UGT1A7: variants seen among roughly 807,000 people sequenced by gnomAD.
UGT1A7 encodes the protein UDP glucuronosyltransferase family 1 member A7, also known as UDP-glucuronosyltransferase 1A7.
UGT1A7 carries 33 observed loss-of-function variants against 45.6 expected under a neutral mutation model. The ratio of observed to expected loss-of-function variants is 0.72; its 90% CI spans 0.55 to 0.97. UGT1A7 has a LOEUF of 0.97. UGT1A7 is among the 50% of genes least tolerant of loss of function. The pLI is 0.00. For missense variants in UGT1A7, 684 were observed against 666.2 expected, an observed-to-expected ratio of 1.03 and a Z score of -0.29; for synonymous variants, 274 against 250.6, an observed-to-expected ratio of 1.09 and a Z score of -0.88.
chr2:233,756,971 C>T (rs1226266668), intron 1 of UGT1A7, among the ~76,000 whole-genome samples: 8 of 151,892 alleles, frequency 5.3e-5, no homozygotes, highest in African/African-American at 1.9e-4. Flanking sequence ...GGTAAGCACG[C>T]AATGAACAGT....
At chr2:233,718,209 T>C (rs1050950031) in intron 1 of UGT1A7, among the ~76,000 whole-genome samples, 2 of 152,238 alleles carry the variant, frequency 1.3e-5, no homozygotes, top group Non-Finnish European at 2.9e-5. Flanking sequence ...TTTTTTTATA[T>C]TGACAGCCAC....
chr2:233,753,174 A>G (rs1695146972), intron 1 of UGT1A7: 2 of 152,226 alleles, frequency 1.3e-5, no homozygotes, highest in South Asian at 4.1e-4. Context: ...ATCACTAAAA[A>G]ATGAACTCAT....
intron 1 of UGT1A7, among the ~76,000 whole-genome samples, chr2:233,750,216 G>A (rs192238866): frequency 1.3e-5 from 2 of 151,994 alleles, no homozygotes; most frequent in Middle Eastern, 3.4e-3. Flanking sequence ...AGTCTCAGAT[G>A]GAGATGAGGA....
In UGT1A7 at chr2:233,760,405, T is replaced by C. The variant is rs1183811071; in HGVS notation, c.856-6629T>C. On this transcript the variant is annotated intron_variant, in intron 1 of 4. Transcript: ENST00000373426. Reference sequence around the variant, plus strand: ...GTTGATCCCAGTGGATGGCAGCCACTGGCTGAGCATGCTTGGGGCCATCCA... The same window carrying C: ...GTTGATCCCAGTGGATGGCAGCCACCGGCTGAGCATGCTTGGGGCCATCCA... 1.5e-5 allele frequency: 24 copies of C among 1,614,126 alleles called. No homozygotes were observed. Among genetic ancestry groups the C allele is most frequent in the Non-Finnish European group, 1.9e-5 (22 of 1,180,052 alleles).
Position 233,754,852 on chromosome 2 carries a change from G to C in UGT1A7, c.856-12182G>C, listed in dbSNP as rs193246215. The C allele has an allele frequency of 1.8e-5, 24 of 1,345,428 alleles. No homozygotes were observed. In the Middle Eastern group the frequency reaches 8.4e-4, roughly 47 times the overall value. The allele number at this position is 1,345,428 out of a possible 1,614,324, so 83.3% of individuals were successfully genotyped here. ...GGAAATTCACTGAAGGCAGAGAAAA[G>C]GGGTGCAGACCCTCTGCTTCTGCTT... On this transcript the variant is annotated intron_variant, in intron 1 of 4. Coordinates refer to ENST00000373426, the MANE Select transcript of UGT1A7 (RefSeq NM_019077.3).
chr2:233,739,265 T>C (rs749101347), intron 1 of UGT1A7, among the ~76,000 whole-genome samples: 1 of 152,088 alleles, frequency 6.6e-6, no homozygotes, highest in Non-Finnish European at 1.5e-5. Flanking sequence ...AAATGTGAGG[T>C]TGGAGCCCCC....
At chr2:233,721,847 C>T in intron 1 of UGT1A7, 2 of 514,910 alleles carry the variant, frequency 3.9e-6, no homozygotes, top group South Asian at 2.8e-5. Context: ...TGTGTCCAGC[C>T]CCACTGCTCG....
intron 1 of UGT1A7, among the ~76,000 whole-genome samples, chr2:233,712,016 C>T (rs527478948): frequency 2.0e-5 from 3 of 152,332 alleles, no homozygotes; most frequent in Admixed American, 1.3e-4. Context: ...CCATTCTTAT[C>T]AGAACTTGGT....
At chr2:233,715,485 A>T (rs1033981670) in intron 1 of UGT1A7, among the ~76,000 whole-genome samples, 2 of 152,154 alleles carry the variant, frequency 1.3e-5, no homozygotes, top group African/African-American at 4.8e-5. Context: ...TTTGAAAATG[A>T]TTTGTGTGCA....
At chr2:233,688,907 G>A (rs982002895) in intron 1 of UGT1A7, among the ~76,000 whole-genome samples, 2 of 152,096 alleles carry the variant, frequency 1.3e-5, no homozygotes, top group Non-Finnish European at 2.9e-5. Context: ...TTGGGGGGAT[G>A]GTGTGCCAAG....
Position 233,761,122 on chromosome 2 carries a change from A to T in UGT1A7, c.856-5912A>T, listed in dbSNP as rs397978903. 136 of 1,614,116 alleles carry T rather than the reference A, an allele frequency of 8.4e-5. No individual in the cohort carries two copies. Among genetic ancestry groups the T allele is most frequent in the Non-Finnish European group, 1.1e-4 (124 of 1,180,046 alleles). On this transcript the variant is annotated intron_variant, in intron 1 of 4. Coordinates refer to ENST00000373426, the MANE Select transcript of UGT1A7 (RefSeq NM_019077.3). The stretch of plus-strand genomic sequence containing the variant: ...CAATATGGTTTTTGTTGGTGGAATC[A>T]ACTGCCTTCACCAAAATCCACTATC...
chr2:233,719,326 CTG>C, intron 1 of UGT1A7: 1 of 1,613,946 alleles, frequency 6.2e-7, no homozygotes. Context: ...TCGATTCCTG[CTG>C]TGTTTTTTTG....
chr2:233,711,817 C>T (rs984543868), intron 1 of UGT1A7, among the ~76,000 whole-genome samples: 1 of 152,154 alleles, frequency 6.6e-6, no homozygotes, highest in Non-Finnish European at 1.5e-5. Flanking sequence ...CATCCTGGGG[C>T]GACCAGGACA....
chr2:233,703,167 A>G (rs888972017), intron 1 of UGT1A7, among the ~76,000 whole-genome samples: 40 of 152,060 alleles, frequency 2.6e-4, no homozygotes, highest in African/African-American at 9.2e-4. Context: ...TCTTGATTCA[A>G]TTTCAGTAGT....
chr2:233,730,126 G>A, intron 1 of UGT1A7: 1 of 1,542,516 alleles, frequency 6.5e-7, no homozygotes, highest in Non-Finnish European at 8.7e-7. Flanking sequence ...TGTCATAATA[G>A]CCTTCAGTGA....
intron 4 of UGT1A7, among the ~76,000 whole-genome samples, chr2:233,771,801 TC>T (rs1700390551): frequency 9.1e-6 from 1 of 110,270 alleles, no homozygotes; most frequent in Non-Finnish European, 1.8e-5. Flanking sequence ...CCTCCCTCCC[TC>T]CCTTCCTCCT....
chr2:233,690,516 T>C, intron 1 of UGT1A7: 1 of 1,289,796 alleles, frequency 7.8e-7, no homozygotes, highest in Non-Finnish European at 1.0e-6. Flanking sequence ...TTGTTTTATC[T>C]TAGGATCTAC....
chr2:233,719,788 G>A, intron 1 of UGT1A7: 1 of 1,609,458 alleles, frequency 6.2e-7, no homozygotes, highest in Non-Finnish European at 8.5e-7. Flanking sequence ...TCTTTCCAAA[G>A]ATTTTATTTT....
rs145733073 is a variant in UGT1A7, at chr2:233,682,175, T to C, written c.238T>C (p.Ser80Pro). 6.2e-7 allele frequency: 1 copy of C among 1,614,072 alleles called. No homozygotes were observed. Among genetic ancestry groups the C allele is most frequent in the East Asian group, 2.2e-5 (1 of 44,894 alleles). Residue 80 changes from serine (S) to proline (P), a missense_variant, in exon 1 of 5, where the codon TCA becomes CCA. Transcript: ENST00000373426. Reference protein sequence around the residue: ...LNCTVKTYSTSYTLEDQDREF... With the variant: ...LNCTVKTYSTPYTLEDQDREF... ...TTGCACAGTGAAGACTTACTCAACC[T>C]CATACACTCTGGAGGATCAGGACCG...
Sources: gnomAD v4.1 joint callset for allele counts (sites outside exome capture counted in the v4.1 genomes callset) on GRCh38, gnomAD v4.1.1 for gene constraint, MANE v1.5 for transcripts, NCBI Gene and HGNC (gene_info 2026-07-23, HGNC 2026-07-21) for gene names.